SQOR: variants seen among roughly 807,000 people sequenced by gnomAD.
SQOR encodes sulfide:quinone oxidoreductase, mitochondrial.
In SQOR, 39 loss-of-function variants were observed where a neutral mutation model predicts 48.6. The ratio of observed to expected loss-of-function variants is 0.80; its 90% confidence interval spans 0.62 to 1.05. The LOEUF is 1.05. Among genes scored for constraint, SQOR ranks in the 50% least tolerant of loss-of-function variants. The pLI is 0.00. For missense variants in SQOR, 561 were observed against 559.9 expected (o/e 1.00, Z -0.02); for synonymous variants, 220 against 206.2 (o/e 1.07, Z -0.57).
rs548114517 is a variant in SQOR at position 45,689,241 on chromosome 15, G to A, written c.1295+24G>A. ...AGGTAAGTGCACTGCCTGGTTCCTG[G>A]ATGAGGAAAGGGATTTGTAGCACAT... On this transcript the variant is annotated intron_variant, in intron 9 of 9. Transcript: ENST00000260324. 201 of 1,611,132 alleles carry A rather than the reference G, an allele frequency of 1.2e-4. 3 individuals are homozygous for A. In the South Asian group the frequency reaches 2.1e-3, roughly 17 times the overall value.
At chr15:45,685,531 C>T (rs1327591442) in intron 7 of SQOR, among the ~76,000 whole-genome samples, 1 of 152,142 alleles carries the variant, frequency 6.6e-6, no homozygotes, top group African/African-American at 2.4e-5. Context: ...AAGGCATGGG[C>T]ATGATAGAAG....
chr15:45,659,570 G>T lies in SQOR; in HGVS notation c.234+413G>T, dbSNP rs151044115. Among the ~76,000 whole-genome samples the T allele has an allele frequency of 2.0e-5, 3 of 152,270 alleles. No individual in the cohort carries two copies. The East Asian group carries it at 5.8e-4, about 29-fold the overall frequency. ...GGCTTTGTCTCATGCCTCTCTCCCA[G>T]CTTCTGGTGGTTACCCTGAAATCCT... On this transcript the variant is annotated intron_variant, in intron 2 of 9. Transcript: ENST00000260324.
At chr15:45,661,831 T>G (rs1889725793) in intron 2 of SQOR, 124 bp from the exon 3 acceptor site, 3 of 1,035,398 alleles carry the variant, frequency 2.9e-6, no homozygotes, top group Non-Finnish European at 2.7e-6. Flanking sequence ...TTGTGGAGAC[T>G]TTTCCATACG....
At chr15:45,643,343 G>A (rs895945699) in intron 1 of SQOR, among the ~76,000 whole-genome samples, 6 of 152,072 alleles carry the variant, frequency 3.9e-5, no homozygotes, top group Middle Eastern at 3.2e-3. Flanking sequence ...CTACAGGTGC[G>A]TGCCACCACG....
At chr15:45,684,588 G>A (rs1330820833) in intron 7 of SQOR, among the ~76,000 whole-genome samples, 2 of 123,596 alleles carry the variant, frequency 1.6e-5, no homozygotes, top group Non-Finnish European at 3.7e-5. Context: ...TGGGTTAAGG[G>A]GTGTTCTCTC....
intron 7 of SQOR, among the ~76,000 whole-genome samples, chr15:45,683,026 C>CAAAAAAAAAAAAAAAAAAAAAAAAAAAAA (rs34072446): frequency 1.3e-4 from 15 of 119,882 alleles, no homozygotes; most frequent in African/African-American, 4.8e-4. Flanking sequence ...GGCTTCATCT[C>CAAAAAAAAAAAAAAAAAAAAAAAAAAAAA]AAAAAAAAAA....
Position 45,661,975 on chromosome 15 carries a change from C to A in SQOR, c.255C>A (p.Ile85=). 6.2e-7 allele frequency: 1 copy of A among 1,614,078 alleles called. No individual in the cohort carries two copies. Among genetic ancestry groups the A allele is most frequent in the Non-Finnish European group, 8.5e-7 (1 of 1,179,986 alleles). Residue 85 remains isoleucine, a synonymous_variant, in exon 3 of 10, where the codon ATC becomes ATA. Coordinates refer to ENST00000260324, the MANE Select transcript of SQOR (RefSeq NM_021199.4). ...EPSERHFYQP[I]WTLVGAGAKQ... is the part of the protein sequence containing the mutation. ...CTCAGAGACATTTCTACCAGCCAAT[C>A]TGGACACTGGTGGGTGCTGGTGCCA...
At chr15:45,684,362 T>G (rs1189665494) in intron 7 of SQOR, among the ~76,000 whole-genome samples, 1 of 152,236 alleles carries the variant, frequency 6.6e-6, no homozygotes, top group African/African-American at 2.4e-5. Context: ...TTTTTTTCTT[T>G]ACTTTCATGA....
chr15:45,682,268 G>A (rs1009607378), intron 6 of SQOR, among the ~76,000 whole-genome samples: 2 of 152,174 alleles, frequency 1.3e-5, no homozygotes, highest in Non-Finnish European at 2.9e-5. Flanking sequence ...GGGAGATCAC[G>A]TCAACTGAGA....
At chr15:45,646,243 C>G (rs1294244442) in intron 1 of SQOR, among the ~76,000 whole-genome samples, 1 of 152,310 alleles carries the variant, frequency 6.6e-6, no homozygotes, top group East Asian at 1.9e-4. Flanking sequence ...AGCAGAGAGG[C>G]CATCCCTGGA....
At chr15:45,672,404 G>A (rs1038305605) in intron 4 of SQOR, among the ~76,000 whole-genome samples, 1 of 152,108 alleles carries the variant, frequency 6.6e-6, no homozygotes, top group East Asian at 1.9e-4. Context: ...GACTGCCAAT[G>A]TTACTACTAT....
intron 3 of SQOR, among the ~76,000 whole-genome samples, chr15:45,667,411 G>A (rs1056848052): frequency 2.6e-5 from 4 of 152,196 alleles, no homozygotes; most frequent in African/African-American, 7.2e-5. Flanking sequence ...CAGAGTTTAC[G>A]TCTTCTGACC....
chr15:45,639,072 T>A (rs1166794233), intron 1 of SQOR, among the ~76,000 whole-genome samples: 3 of 152,028 alleles, frequency 2.0e-5, no homozygotes, highest in Non-Finnish European at 4.4e-5. Flanking sequence ...ACAATAGGTT[T>A]AAAAAAAATG....
At chr15:45,682,028 T>C (rs1325488143) in intron 6 of SQOR, among the ~76,000 whole-genome samples, 1 of 152,218 alleles carries the variant, frequency 6.6e-6, no homozygotes, top group Non-Finnish European at 1.5e-5. Context: ...TCCTAACATA[T>C]CCTTTACAAG....
intron 4 of SQOR, among the ~76,000 whole-genome samples, chr15:45,671,254 A>G (rs181976346): frequency 3.3e-5 from 5 of 152,292 alleles, no homozygotes; most frequent in South Asian, 4.1e-4. Context: ...TTCCCAGGTT[A>G]AAGCAATCTC....
chr15:45,656,966 G>A (rs1476577667), intron 1 of SQOR, among the ~76,000 whole-genome samples: 1 of 151,782 alleles, frequency 6.6e-6, no homozygotes, highest in Non-Finnish European at 1.5e-5. Flanking sequence ...CACCACGCCT[G>A]GCTAAAAATT....
At chr15:45,633,185 T>C (rs1894929038), upstream of SQOR, among the ~76,000 whole-genome samples, 1 of 151,638 alleles carries the variant, frequency 6.6e-6, no homozygotes, top group South Asian at 2.1e-4. Flanking sequence ...TCCTGCACAA[T>C]TTCTGGTGTC....
At chr15:45,677,198 CTTCT>C (rs1184829046) in intron 6 of SQOR, among the ~76,000 whole-genome samples, 4 of 146,172 alleles carry the variant, frequency 2.7e-5, no homozygotes, top group Non-Finnish European at 6.1e-5. Flanking sequence ...TCCTTCCTTC[CTTCT>C]TTCCTTTCTT....
upstream of SQOR, among the ~76,000 whole-genome samples, chr15:45,632,686 C>T (rs1005345953): frequency 6.6e-6 from 1 of 152,058 alleles, no homozygotes; most frequent in Non-Finnish European, 1.5e-5. Flanking sequence ...TGGGGTGAAG[C>T]ATTTTGGAAA....
Sources: gnomAD v4.1 joint callset for allele counts (sites outside exome capture counted in the v4.1 genomes callset) on GRCh38, gnomAD v4.1.1 for gene constraint, MANE v1.5 for transcripts, NCBI Gene and HGNC (gene_info 2026-07-23, HGNC 2026-07-21) for gene names.